KCNH6: variants seen among roughly 807,000 people sequenced by gnomAD.
KCNH6 encodes the protein potassium voltage-gated channel subfamily H member 6.
A neutral mutation model predicts 83.4 loss-of-function variants in KCNH6; 81 were observed. That is an observed-to-expected ratio of 0.97 (90% CI 0.81 to 1.17). The LOEUF (loss-of-function observed/expected upper bound fraction) is 1.17. Ranked by LOEUF, KCNH6 falls within the 50% of genes most tolerant of loss-of-function variation. The pLI is 0.00. For missense variants in KCNH6, 1,203 were observed against 1,290.5 expected, an observed-to-expected ratio of 0.93 and a Z score of 1.04; for synonymous variants, 503 against 545.6, an observed-to-expected ratio of 0.92 and a Z score of 1.09.
intron 12 of KCNH6, 26 bp from the exon 13 acceptor site, chr17:63,545,583 G>T (rs1252000279): frequency 6.2e-7 from 1 of 1,600,094 alleles, no homozygotes; most frequent in Non-Finnish European, 8.5e-7. Flanking sequence ...GGCCTGGGGT[G>T]CATCCCTCTT....
intron 2 of KCNH6, among the ~76,000 whole-genome samples, chr17:63,524,800 G>T (rs946148230): frequency 9.2e-5 from 14 of 152,318 alleles, no homozygotes; most frequent in Admixed American, 8.5e-4. Flanking sequence ...GGCAAAGTGG[G>T]GTGGGCCTGC....
At position 63,542,263 on chromosome 17, in the gene KCNH6, A is replaced by C. The variant is rs1598010092; in HGVS notation, c.1977A>C (p.Glu659Asp). The stretch of plus-strand genomic sequence containing the variant: ...CAGGAAAGAATGACATCTTTGGGGA[A>C]CCCGTCAGCCTCCATGCCCAGCCAG... Reference protein sequence around the residue: ...AILGKNDIFGEPVSLHAQPGK... With the variant: ...AILGKNDIFGDPVSLHAQPGK... The change falls in exon 9 of 13, where the codon GAA becomes GAC. Residue 659 changes from glutamate (E) to aspartate (D), a missense_variant. By Grantham distance (45) the Glu-to-Asp change is conservative. Coordinates refer to ENST00000314672, the MANE Select transcript of KCNH6 (RefSeq NM_001278919.2). 1 of 1,613,842 alleles carries C rather than the reference A, an allele frequency of 6.2e-7. No homozygotes were observed. The highest frequency in any genetic ancestry group is 8.5e-7 in the Non-Finnish European group (1 of 1,179,910).
rs1367692679 is a variant in KCNH6, at chr17:63,533,670, A to G, written c.676-216A>G. Among the ~76,000 whole-genome samples, 1 of 151,920 alleles carries G rather than the reference A, an allele frequency of 6.6e-6. No homozygotes were observed. The highest frequency in any genetic ancestry group is 2.4e-5 in the African/African-American group (1 of 41,350). On this transcript the variant is annotated intron_variant, in intron 4 of 12. Transcript: ENST00000314672. This position sits in a 1 kb window ranked among gnomAD's most constrained non-coding sequence, Gnocchi z 4.1. ...AGCCATACCCCTCCTCTTGCATCCCAACTCCTTTCTCTGCACTTCCTCTCG... is the reference window on the plus strand; with the variant it reads ...AGCCATACCCCTCCTCTTGCATCCCGACTCCTTTCTCTGCACTTCCTCTCG...
downstream of KCNH6, among the ~76,000 whole-genome samples, chr17:63,547,411 T>A (rs2033169004): frequency 6.3e-3 from 1 of 160 alleles, no homozygotes; most frequent in African/African-American, 0.022. Flanking sequence ...AAAATGAAAA[T>A]TTTAAAAATC....
At chr17:63,545,341 C>G in intron 12 of KCNH6, 77 bp downstream of exon 12, 2 of 1,463,980 alleles carry the variant, frequency 1.4e-6, no homozygotes, top group Non-Finnish European at 9.4e-7. Context: ...GTTCACAGTG[C>G]AGCATCAGGC....
intron 8 of KCNH6, among the ~76,000 whole-genome samples, chr17:63,541,174 T>C (rs2032836607): frequency 6.6e-6 from 1 of 152,146 alleles, no homozygotes; most frequent in African/African-American, 2.4e-5. Context: ...GCACAGCACC[T>C]GGCACCAGGA....
chr17:63,530,224 C>A lies in KCNH6; in HGVS notation c.441C>A (p.Arg147=), dbSNP rs149641745. The change falls in exon 3 of 13, where the codon CGC becomes CGA. Residue 147 remains arginine (R), a synonymous_variant. Transcript: ENST00000314672. Reference sequence around the variant, plus strand: ...GCAGCAGCCGCAGCTTGTCCCAGCGCCTGTTGTCCCAGAGCTTCCTGGGCT... The same window carrying A: ...GCAGCAGCCGCAGCTTGTCCCAGCGACTGTTGTCCCAGAGCTTCCTGGGCT... ...AKCSSRSLSQ[R]LLSQSFLGSE... 5 of 1,614,168 alleles carry A rather than the reference C, an allele frequency of 3.1e-6. No individual in the cohort carries two copies. The highest frequency in any genetic ancestry group is 4.2e-6 in the Non-Finnish European group (5 of 1,179,984).
Position 63,527,362 on chromosome 17 carries a change from A to C in KCNH6, c.308-2729A>C, listed in dbSNP as rs546856984. ...AGCACCAGCCTCTCCCTGGGGACTCACCACAGTGCTGGATGGGGTGTGCAT... is the reference window on the plus strand; with the variant it reads ...AGCACCAGCCTCTCCCTGGGGACTCCCCACAGTGCTGGATGGGGTGTGCAT... On this transcript the variant is annotated intron_variant, in intron 2 of 12. Transcript: ENST00000314672. Among the ~76,000 whole-genome samples, 4 of 152,304 alleles carry C rather than the reference A, an allele frequency of 2.6e-5. No homozygotes were observed. In the East Asian group the frequency reaches 7.7e-4, roughly 29 times the overall value.
At chr17:63,524,808 T>C (rs978857661) in intron 2 of KCNH6, among the ~76,000 whole-genome samples, 2 of 152,200 alleles carry the variant, frequency 1.3e-5, no homozygotes, top group Non-Finnish European at 2.9e-5. Context: ...GGGGTGGGCC[T>C]GCCTTATCCA....
chr17:63,538,666 G>A lies in KCNH6; in HGVS notation c.1954+4G>A, dbSNP rs756859847. On this transcript the variant is annotated splice_donor_region_variant and intron_variant, in intron 8 of 12. Coordinates refer to ENST00000314672, the MANE Select transcript of KCNH6 (RefSeq NM_001278919.2). This position sits in a 1 kb window ranked among gnomAD's most constrained non-coding sequence, Gnocchi z 4.0. ...GACGTGGTCGTGGCCATCCTAGGTGGGTCCGGCGGAGTGGACCAGGCCTGT... is the reference window on the plus strand; with the variant it reads ...GACGTGGTCGTGGCCATCCTAGGTGAGTCCGGCGGAGTGGACCAGGCCTGT... 27 of 1,575,200 alleles carry A rather than the reference G, an allele frequency of 1.7e-5. No individual in the cohort carries two copies. Among genetic ancestry groups the A allele is most frequent in the Non-Finnish European group, 2.2e-5 (26 of 1,156,696 alleles).
At chr17:63,532,229 C>A (rs1327517132) in intron 4 of KCNH6, among the ~76,000 whole-genome samples, 1 of 152,230 alleles carries the variant, frequency 6.6e-6, no homozygotes, top group East Asian at 1.9e-4. Context: ...CCCACCCAGG[C>A]AGGCCTAGGG....
chr17:63,538,797 C>A lies in KCNH6; in HGVS notation c.1954+135C>A. 1.1e-6 allele frequency: 1 copy of A among 915,188 alleles called. No individual in the cohort carries two copies. The highest frequency in any genetic ancestry group is 1.6e-6 in the Non-Finnish European group (1 of 622,552). The allele number at this position is 915,188 out of a possible 1,614,324, so 56.7% of individuals were successfully genotyped here. On this transcript the variant is annotated intron_variant, in intron 8 of 12. Coordinates refer to ENST00000314672, the MANE Select transcript of KCNH6 (RefSeq NM_001278919.2). The surrounding 1 kb of genome is among the most constrained non-coding windows in gnomAD (Gnocchi z 4.0). Reference sequence around the variant, plus strand: ...CTGGCAGCCACTTGCACAGCATGTGCCCGGGAGAGCTTTAGACCCAGCTGG... The same window carrying A: ...CTGGCAGCCACTTGCACAGCATGTGACCGGGAGAGCTTTAGACCCAGCTGG...
At chr17:63,548,735 G>A (rs1174619835), downstream of KCNH6, 1 of 152,002 alleles carries the variant, frequency 6.6e-6, no homozygotes, top group Non-Finnish European at 1.5e-5. Context: ...ATAAGACAAG[G>A]TACCGCGAAT....
chr17:63,525,872 G>T (rs1448557141), intron 2 of KCNH6, among the ~76,000 whole-genome samples: 1 of 152,236 alleles, frequency 6.6e-6, no homozygotes, highest in African/African-American at 2.4e-5. Flanking sequence ...AGTCAGGGGA[G>T]TGAGAAGGGT....
At chr17:63,541,545 A>T (rs2032861721) in intron 8 of KCNH6, among the ~76,000 whole-genome samples, 1 of 148,550 alleles carries the variant, frequency 6.7e-6, no homozygotes, top group African/African-American at 2.6e-5. Flanking sequence ...CACTACCCTC[A>T]GCCTCCCAAA....
chr17:63,523,565 C>G lies in KCNH6; in HGVS notation c.76+76C>G, dbSNP rs2031485486. ...TGAAAGGGGGGGCTGGACCCCTTTACTAACTTCTAACCGGGCAAGGTGGTG... is the reference window on the plus strand; with the variant it reads ...TGAAAGGGGGGGCTGGACCCCTTTAGTAACTTCTAACCGGGCAAGGTGGTG... On this transcript the variant is annotated intron_variant, in intron 1 of 12. Coordinates refer to ENST00000314672, the MANE Select transcript of KCNH6 (RefSeq NM_001278919.2). This position sits in a 1 kb window ranked among gnomAD's most constrained non-coding sequence, Gnocchi z 4.2. 1.5e-6 allele frequency: 2 copies of G among 1,362,812 alleles called. No individual in the cohort carries two copies. The highest frequency in any genetic ancestry group is 2.9e-5 in the African/African-American group (2 of 68,158). 84.4% of individuals were successfully genotyped at this position (1,362,812 alleles called of 1,614,324 possible).
rs1259927565 is a variant in KCNH6, at chr17:63,545,937, G to A, written c.*35G>A. The A allele has an allele frequency of 1.3e-6, 2 of 1,597,624 alleles. No homozygotes were observed. Among genetic ancestry groups the A allele is most frequent in the Non-Finnish European group, 1.7e-6 (2 of 1,169,480 alleles). On this transcript the variant is annotated 3_prime_UTR_variant, in exon 13 of 13. Coordinates refer to ENST00000314672, the MANE Select transcript of KCNH6 (RefSeq NM_001278919.2). ...TAAAGACACCATGAGGGGACTGAAG[G>A]TGGGCAAGGTGAGAGTTAAGGATCT...
Position 63,535,539 on chromosome 17 carries a change from C to A in KCNH6, c.1102-130C>A. The A allele has an allele frequency of 1.2e-6, 1 of 843,144 alleles. No individual in the cohort carries two copies. Among genetic ancestry groups the A allele is most frequent in the Non-Finnish European group, 1.8e-6 (1 of 548,200 alleles). The allele number at this position is 843,144 out of a possible 1,614,324, so 52.2% of individuals were successfully genotyped here. ...TGTGCCACACTGCCAAGTGCGTGGC[C>A]CGGAGGAAGTTCTCCATAAATGTTT... is the stretch of plus-strand genomic sequence containing the variant. On this transcript the variant is annotated intron_variant, in intron 5 of 12. Transcript: ENST00000314672. This position sits in a 1 kb window ranked among gnomAD's most constrained non-coding sequence, Gnocchi z 4.9.
At chr17:63,529,967 G>A (rs1341821510) in intron 2 of KCNH6, 124 bp from the exon 3 acceptor site, 1 of 1,029,144 alleles carries the variant, frequency 9.7e-7, no homozygotes, top group East Asian at 2.5e-5. Flanking sequence ...TCTGGTCACT[G>A]TCCAAGCCTC....
Sources: gnomAD v4.1 joint callset for allele counts (sites outside exome capture counted in the v4.1 genomes callset) on GRCh38, gnomAD v4.1.1 for gene constraint, Gnocchi (gnomAD v3.1) non-coding constraint, MANE v1.5 for transcripts, NCBI Gene and HGNC (gene_info 2026-07-23, HGNC 2026-07-21) for gene names.